Variants in RSU1 observed in about 807,000 individuals in gnomAD.
The protein encoded by RSU1 is Ras suppressor protein 1.
A neutral mutation model predicts 31.1 loss-of-function variants in RSU1; 26 were observed. The ratio of observed to expected loss-of-function variants is 0.84; its 90% CI spans 0.61 to 1.16. The LOEUF is 1.16. RSU1 is among the 50% of genes most tolerant of loss of function. The probability of loss-of-function intolerance (pLI) is 0.00; values close to 1 mark genes in which losing one functional copy is unlikely to be tolerated. For missense variants in RSU1, 320 were observed against 339.1 expected (o/e 0.94, Z 0.44); for synonymous variants, 164 against 136.3 (o/e 1.20, Z -1.41).
intron 3 of RSU1, among the ~76,000 whole-genome samples, chr10:16,781,373 G>A (rs887438693): frequency 6.6e-6 from 1 of 152,148 alleles, no homozygotes; most frequent in African/African-American, 2.4e-5. Context: ...TTCTTTTGGG[G>A]AAGCCAGACT....
intron 8 of RSU1, among the ~76,000 whole-genome samples, chr10:16,595,158 C>G (rs969047369): frequency 5.3e-5 from 8 of 152,152 alleles, no homozygotes; most frequent in Non-Finnish European, 8.8e-5. Context: ...CCCAAGCAAT[C>G]CTCCTGCCTT....
At chr10:16,692,347 A>G (rs1430681899) in intron 8 of RSU1, among the ~76,000 whole-genome samples, 1 of 152,234 alleles carries the variant, frequency 6.6e-6, no homozygotes, top group Non-Finnish European at 1.5e-5. Context: ...GAAACTCACA[A>G]TTTAATCTTT....
Position 16,797,858 on chromosome 10 carries a change from T to TCTTC in RSU1, c.110-15775_110-15774insGAAG, listed in dbSNP as rs201037102. Among the ~76,000 whole-genome samples, 151 of 115,670 alleles carry TCTTC rather than the reference T, an allele frequency of 1.3e-3. 5 individuals carry two copies. Among genetic ancestry groups the TCTTC allele is most frequent in the Middle Eastern group, 0.012 (3 of 246 alleles). The allele number at this position is 115,670 out of a possible 152,430, so 75.9% of individuals were successfully genotyped here. ...AGAAGTTAAAGTGGGGATTTCTTCT[T>TCTTC]TTTTTTTTTTTTTTTTTTTTTGAGA... On this transcript the variant is annotated intron_variant, in intron 2 of 8. Coordinates refer to ENST00000345264, the MANE Select transcript of RSU1 (RefSeq NM_012425.4).
chr10:16,679,881 T>G (rs1015332664), intron 8 of RSU1, among the ~76,000 whole-genome samples: 1,519 of 146,432 alleles, frequency 0.01, 21 homozygotes, highest in Admixed American at 0.018. Flanking sequence ...TTTTTTTTTT[T>G]TTTTTTTTTT....
rs1833504049 is a variant in RSU1 at position 16,591,495 on chromosome 10, G to A, written c.*1899C>T. Reference sequence around the variant, plus strand: ...TGGAGCGAAATTTATATTCCCAGTAGCCATGTGAAAGAATGTTTATTTCAT... The same window carrying A: ...TGGAGCGAAATTTATATTCCCAGTAACCATGTGAAAGAATGTTTATTTCAT... On this transcript the variant is annotated 3_prime_UTR_variant, in exon 9 of 9. Coordinates refer to ENST00000345264, the MANE Select transcript of RSU1 (RefSeq NM_012425.4). 1 of 152,132 alleles carries A rather than the reference G, an allele frequency of 6.6e-6. No homozygotes were observed. Among genetic ancestry groups the A allele is most frequent in the East Asian group, 1.9e-4 (1 of 5,194 alleles). The allele number at this position is 152,132 out of a possible 1,614,324, so 9.4% of individuals were successfully genotyped here. A position where few individuals can be genotyped will look rare whatever the true frequency, so the allele number is the denominator to read the frequency against.
chr10:16,765,704 G>C (rs1276186830), intron 3 of RSU1, among the ~76,000 whole-genome samples: 2 of 152,174 alleles, frequency 1.3e-5, no homozygotes, highest in African/African-American at 2.4e-5. Context: ...CTGATACCAA[G>C]ACTATCCAGA....
At chr10:16,734,888 T>C (rs1836593041) in intron 7 of RSU1, among the ~76,000 whole-genome samples, 2 of 152,172 alleles carry the variant, frequency 1.3e-5, no homozygotes, top group African/African-American at 2.4e-5. Context: ...TAATCCAATA[T>C]GACTGTTGTC....
intron 7 of RSU1, among the ~76,000 whole-genome samples, chr10:16,725,197 A>T (rs781179412): frequency 6.6e-6 from 1 of 152,190 alleles, no homozygotes; most frequent in Non-Finnish European, 1.5e-5. Context: ...TAGAGATGGG[A>T]GAAGAGAGAG....
chr10:16,625,153 G>T (rs1017353276), intron 8 of RSU1, among the ~76,000 whole-genome samples: 1 of 152,166 alleles, frequency 6.6e-6, no homozygotes, highest in Non-Finnish European at 1.5e-5. Flanking sequence ...TCCGTCACTT[G>T]TACTCTTTTA....
At chr10:16,717,100 T>C (rs1174292516) in intron 7 of RSU1, among the ~76,000 whole-genome samples, 1 of 152,206 alleles carries the variant, frequency 6.6e-6, no homozygotes, top group Non-Finnish European at 1.5e-5. Flanking sequence ...TTGAATCCAA[T>C]TTTATTAAAG....
chr10:16,792,156 G>A (rs778103029), intron 2 of RSU1, among the ~76,000 whole-genome samples: 1 of 152,168 alleles, frequency 6.6e-6, no homozygotes, highest in Non-Finnish European at 1.5e-5. Flanking sequence ...AAACTAGACT[G>A]CAATCACCAG....
chr10:16,731,455 C>T (rs1588499944), intron 7 of RSU1, among the ~76,000 whole-genome samples: 1 of 151,294 alleles, frequency 6.6e-6, no homozygotes, highest in Non-Finnish European at 1.5e-5. Context: ...AATACTGTGG[C>T]AAGAAACATA....
chr10:16,730,931 C>G (rs537351601), intron 7 of RSU1, among the ~76,000 whole-genome samples: 129 of 152,010 alleles, frequency 8.5e-4, no homozygotes, highest in Non-Finnish European at 1.5e-3. Context: ...TCAAGCGATT[C>G]TTGTGCCTCA....
chr10:16,759,614 G>A (rs1202866403), intron 4 of RSU1, among the ~76,000 whole-genome samples: 3 of 152,150 alleles, frequency 2.0e-5, no homozygotes, highest in Non-Finnish European at 2.9e-5. Context: ...GAGGTCAAAC[G>A]TTATTCCCGA....
chr10:16,696,577 C>T (rs568167820), intron 7 of RSU1, among the ~76,000 whole-genome samples: 25 of 152,268 alleles, frequency 1.6e-4, no homozygotes, highest in African/African-American at 6.0e-4. Flanking sequence ...GTTTCCAAAG[C>T]TACTAAGAAT....
chr10:16,761,466 C>G (rs1295453714), intron 4 of RSU1, among the ~76,000 whole-genome samples: 1 of 152,136 alleles, frequency 6.6e-6, no homozygotes, highest in African/African-American at 2.4e-5. Context: ...AGCCTGACCT[C>G]TGACCTGACA....
At chr10:16,643,375 T>G (rs1266329542) in intron 8 of RSU1, among the ~76,000 whole-genome samples, 4 of 152,200 alleles carry the variant, frequency 2.6e-5, no homozygotes, top group Non-Finnish European at 5.9e-5. Context: ...GCTCATACAT[T>G]AAAAAATTGG....
chr10:16,686,904 A>T (rs1835450101), intron 8 of RSU1, among the ~76,000 whole-genome samples: 1 of 152,322 alleles, frequency 6.6e-6, no homozygotes, highest in East Asian at 1.9e-4. Context: ...CTCTTCAAAG[A>T]TAAGTACACT....
At chr10:16,628,625 C>A (rs1834197205) in intron 8 of RSU1, among the ~76,000 whole-genome samples, 1 of 152,122 alleles carries the variant, frequency 6.6e-6, no homozygotes, top group Admixed American at 6.5e-5. Flanking sequence ...TTTTTCTCAA[C>A]AAGAGACACA....
Sources: gnomAD v4.1 joint callset for allele counts (sites outside exome capture counted in the v4.1 genomes callset) on GRCh38, gnomAD v4.1.1 for gene constraint, MANE v1.5 for transcripts, NCBI Gene and HGNC (gene_info 2026-07-23, HGNC 2026-07-21) for gene names.